The following SENP1 variants were observed in gnomAD, a reference collection of about 807,000 sequenced individuals.
SENP1 encodes the protein SUMO specific peptidase 1.
Under a neutral mutation model 93.0 loss-of-function variants are expected in SENP1, and 21 were observed. That is an observed-to-expected ratio of 0.23 (90% CI 0.16 to 0.33). The LOEUF (loss-of-function observed/expected upper bound fraction) is 0.33, where lower values mean the gene tolerates loss of function less well. SENP1 is among the 10% of genes least tolerant of loss of function. SENP1 has a pLI of 1.00. For missense variants in SENP1, 591 were observed against 758.7 expected (o/e 0.78, Z 2.60); for synonymous variants, 256 against 259.6 (o/e 0.99, Z 0.13).
At position 48,063,277 on chromosome 12, in the gene SENP1, A is replaced by G. The variant is rs113341092; in HGVS notation, c.1407+433T>C. ...TTTTGGAAAGCTTGTCATTCGTAAT[A>G]TAAGTGATCTAAAATGAGTAGAACT... On this transcript the variant is annotated intron_variant, in intron 13 of 17. Coordinates refer to ENST00000549518, the MANE Select transcript of SENP1 (RefSeq NM_001267594.2). Among the ~76,000 whole-genome samples the G allele has an allele frequency of 5.6e-3, 847 of 152,306 alleles. 11 individuals carry two copies. The highest frequency in any genetic ancestry group is 0.019 in the African/African-American group (804 of 41,572).
rs1186689671 is a variant in SENP1 at position 48,043,045 on chromosome 12, C to T, written c.*2277G>A. 6.6e-6 allele frequency: 1 copy of T among 151,900 alleles called. No homozygotes were observed. The highest frequency in any genetic ancestry group is 1.5e-5 in the Non-Finnish European group (1 of 67,984). 9.4% of individuals were successfully genotyped at this position (151,900 alleles called of 1,614,324 possible). On this transcript the variant is annotated 3_prime_UTR_variant, in exon 18 of 18. Coordinates refer to ENST00000549518, the MANE Select transcript of SENP1 (RefSeq NM_001267594.2). ...AAACAAAGGGGAAAGTTTCCAGATACTACTCCTGCTCTTGTTGGCTAGCTC... is the reference window on the plus strand; with the variant it reads ...AAACAAAGGGGAAAGTTTCCAGATATTACTCCTGCTCTTGTTGGCTAGCTC...
intron 13 of SENP1, among the ~76,000 whole-genome samples, chr12:48,059,316 A>G (rs1458454415): frequency 6.6e-6 from 1 of 152,064 alleles, no homozygotes; most frequent in African/African-American, 2.4e-5. Context: ...TGTGTCTCAT[A>G]TTCAAGTTTC....
chr12:48,090,962 A>G (rs2137220757), intron 4 of SENP1, among the ~76,000 whole-genome samples: 1 of 152,310 alleles, frequency 6.6e-6, no homozygotes, highest in South Asian at 2.1e-4. Context: ...GAGAAATCAG[A>G]GTTACGAACA....
At chr12:48,083,183 G>A (rs1253622573) in intron 6 of SENP1, among the ~76,000 whole-genome samples, 1 of 152,168 alleles carries the variant, frequency 6.6e-6, no homozygotes, top group Non-Finnish European at 1.5e-5. Flanking sequence ...GGGATCATAG[G>A]CATGAGCCAC....
chr12:48,047,184 A>G, intron 15 of SENP1, 122 bp from the exon 16 acceptor site: 1 of 633,864 alleles, frequency 1.6e-6, no homozygotes, highest in Non-Finnish European at 2.8e-6. Context: ...TGAGGAAAAG[A>G]GTATATAATA....
At chr12:48,054,053 G>A (rs1248638433) in intron 13 of SENP1, among the ~76,000 whole-genome samples, 1 of 152,184 alleles carries the variant, frequency 6.6e-6, no homozygotes, top group Non-Finnish European at 1.5e-5. Flanking sequence ...GACAGGAAAT[G>A]CTCCAGTTAT....
At chr12:48,077,194 A>AGG (rs1434039196) in intron 6 of SENP1, among the ~76,000 whole-genome samples, 2 of 152,208 alleles carry the variant, frequency 1.3e-5, no homozygotes, top group Non-Finnish European at 2.9e-5. Flanking sequence ...CCCCTTATAG[A>AGG]ATGGATGCAA....
intron 14 of SENP1, 80 bp from the exon 15 acceptor site, chr12:48,048,160 G>C: frequency 1.2e-6 from 1 of 860,806 alleles, no homozygotes; most frequent in Non-Finnish European, 1.9e-6. Flanking sequence ...CTGCCCTTTG[G>C]AACCTTTTGC....
chr12:48,097,561 T>C lies in SENP1; in HGVS notation c.135+433A>G, dbSNP rs556844021. 1.0e-3 allele frequency among the ~76,000 whole-genome samples: 153 copies of C among 152,346 alleles called. 1 individual carries two copies. Among genetic ancestry groups the C allele is most frequent in the Middle Eastern group, 6.8e-3 (2 of 294 alleles). ...TGATATGAGGTAAAGCCTGAGAGTC[T>C]GCATTTCTATCAAGCTCCCAAGTAA... On this transcript the variant is annotated intron_variant, in intron 3 of 17. Transcript: ENST00000549518.
Position 48,102,335 on chromosome 12 carries a change from G to C in SENP1, c.-44-819C>G, listed in dbSNP as rs192056949. Among the ~76,000 whole-genome samples, 15 of 144,634 alleles carry C rather than the reference G, an allele frequency of 1.0e-4. No individual in the cohort carries two copies. The East Asian group carries it at 2.8e-3, about 27-fold the overall frequency. 94.9% of individuals were successfully genotyped at this position (144,634 alleles called of 152,430 possible). The stretch of plus-strand genomic sequence containing the variant: ...TAATCCCAGCTATTCAGGAGGCTGA[G>C]ACAGAAGAATTGCTTGAACCCAGGA... On this transcript the variant is annotated intron_variant, in intron 1 of 17. Transcript: ENST00000549518.
At chr12:48,068,251 C>T (rs1021938258) in intron 9 of SENP1, among the ~76,000 whole-genome samples, 11 of 151,922 alleles carry the variant, frequency 7.2e-5, no homozygotes, top group African/African-American at 1.2e-4. Flanking sequence ...CCACTGGCTC[C>T]GGAAAACAAA....
At chr12:48,076,443 G>T (rs1012549879) in intron 6 of SENP1, among the ~76,000 whole-genome samples, 1 of 151,564 alleles carries the variant, frequency 6.6e-6, no homozygotes, top group African/African-American at 2.4e-5. Flanking sequence ...TCCTGCCTCA[G>T]CCTCTGGACT....
chr12:48,079,444 A>T (rs1944360026), intron 6 of SENP1, among the ~76,000 whole-genome samples: 1 of 152,188 alleles, frequency 6.6e-6, no homozygotes, highest in Non-Finnish European at 1.5e-5. Flanking sequence ...GGTTGCAGTG[A>T]GCCGAGATCG....
At chr12:48,048,393 G>A (rs780354591) in intron 14 of SENP1, among the ~76,000 whole-genome samples, 8 of 152,218 alleles carry the variant, frequency 5.3e-5, no homozygotes, top group Non-Finnish European at 7.3e-5. Context: ...AATATAAGGT[G>A]AGTATCTCAA....
intron 9 of SENP1, among the ~76,000 whole-genome samples, chr12:48,068,769 T>C (rs559753292): frequency 4.0e-5 from 6 of 151,752 alleles, no homozygotes; most frequent in African/African-American, 7.2e-5. Context: ...ACAAACAAGG[T>C]AGAAGGATGG....
Position 48,088,944 on chromosome 12 carries a change from G to A in SENP1, c.237C>T (p.Asp79=). ...PSYYSDNPSS[D]SFLGSGDLRT... ...TTAAATCGCCTGAGCCAAGAAAACT[G>A]TCTGAGGAAGGATTATCTAAAAAAA... Residue 79 remains aspartate (D), a synonymous_variant, in exon 5 of 18, where the codon GAC becomes GAT. Coordinates refer to ENST00000549518, the MANE Select transcript of SENP1 (RefSeq NM_001267594.2). 1 of 1,587,016 alleles carries A rather than the reference G, an allele frequency of 6.3e-7. No homozygotes were observed.
At position 48,094,500 on chromosome 12, in the gene SENP1, C is replaced by T. The variant is rs149068958; in HGVS notation, c.220+1843G>A. Among the ~76,000 whole-genome samples, 7 of 152,070 alleles carry T rather than the reference C, an allele frequency of 4.6e-5. No individual in the cohort carries two copies. The East Asian group carries it at 1.4e-3, about 29-fold the overall frequency. ...TTCGAGAACAACCTGGCCAACATGG[C>T]GAAACCCCATCTCTACTAAAAGTAC... On this transcript the variant is annotated intron_variant, in intron 4 of 17. Transcript: ENST00000549518.
At position 48,088,838 on chromosome 12, in the gene SENP1, T is replaced by C; in HGVS notation, c.343A>G (p.Ser115Gly). 6.2e-7 allele frequency: 1 copy of C among 1,609,264 alleles called. No homozygotes were observed. Among genetic ancestry groups the C allele is most frequent in the Non-Finnish European group, 8.5e-7 (1 of 1,177,670 alleles). ...SSSSLQKSRN[S>G]RSLYLETRKT... ...CGGGTTTCGAGGTAAAGACTTCGGCTGTTTCTTGATTTTTGTAAAGATGAG... is the reference window on the plus strand; with the variant it reads ...CGGGTTTCGAGGTAAAGACTTCGGCCGTTTCTTGATTTTTGTAAAGATGAG... Residue 115 changes from serine (S) to glycine (G), a missense_variant, in exon 5 of 18, where the codon AGC becomes GGC. Physicochemically the swap from Ser to Gly is moderately conservative, Grantham distance 56. This residue lies in a region of SENP1 where 214 missense variants were observed against 243.4 expected (regional missense o/e 0.88). Coordinates refer to ENST00000549518, the MANE Select transcript of SENP1 (RefSeq NM_001267594.2).
Position 48,074,439 on chromosome 12 carries a change from A to G in SENP1, c.825T>C (p.Tyr275=). The change falls in exon 8 of 18, where the codon TAT becomes TAC. Residue 275 remains tyrosine (Y), a synonymous_variant. Transcript: ENST00000549518. ...TGGATCCAAATGCAACATCTGGGGT[A>G]TAAGAAGATAGGGAATATACACTGT... ...LSHSVYSLSS[Y]TPDVAFGSKD... is the part of the protein sequence containing the mutation. 1.2e-6 allele frequency: 2 copies of G among 1,613,918 alleles called. No homozygotes were observed. Among genetic ancestry groups the G allele is most frequent in the African/African-American group, 1.3e-5 (1 of 75,060 alleles).
Sources: allele counts gnomAD v4.1 joint callset (sites outside exome capture counted in the v4.1 genomes callset), GRCh38; gene constraint gnomAD v4.1.1; regional missense constraint gnomAD v4.1.1; transcripts MANE v1.5; gene names NCBI Gene and HGNC (gene_info 2026-07-23, HGNC 2026-07-21).